RIC3: variants seen among roughly 807,000 people sequenced by gnomAD.
RIC3 encodes RIC3 acetylcholine receptor chaperone.
In RIC3, 28 loss-of-function variants were observed where a neutral mutation model predicts 27.3. That is an observed-to-expected ratio of 1.02 (90% CI 0.76 to 1.41). The LOEUF is 1.41. RIC3 is among the 40% of genes most tolerant of loss of function. RIC3 has a pLI of 0.00. For missense variants in RIC3, 501 were observed against 444.7 expected (o/e 1.13, Z -1.14); for synonymous variants, 184 against 160.4 (o/e 1.15, Z -1.11).
At chr11:8,161,131 T>C (rs1325299548) in intron 1 of RIC3, among the ~76,000 whole-genome samples, 2 of 152,194 alleles carry the variant, frequency 1.3e-5, no homozygotes, top group Non-Finnish European at 2.9e-5. Context: ...GAATAGTCAA[T>C]TATGTATTCA....
Position 8,138,862 on chromosome 11 carries a change from T to C in RIC3, c.352-515A>G. 9.6e-6 allele frequency: 2 copies of C among 207,642 alleles called. 1 individual carries two copies. Among genetic ancestry groups the C allele is most frequent in the Non-Finnish European group, 1.9e-5 (2 of 107,484 alleles). 12.9% of individuals were successfully genotyped at this position (207,642 alleles called of 1,614,324 possible). ...TCCTTTGTTCTCCTCTGCCTTTGCC[T>C]CTTTTAAAAAGTTCTAAGTCGCTAG... On this transcript the variant is annotated intron_variant, in intron 2 of 5. Transcript: ENST00000309737.
At chr11:8,165,766 G>GT (rs1169873326) in intron 1 of RIC3, among the ~76,000 whole-genome samples, 81 of 123,986 alleles carry the variant, frequency 6.5e-4, no homozygotes, top group South Asian at 4.8e-3. Context: ...GTTTTTTGGG[G>GT]TTTTTTTTTT....
At chr11:8,118,122 C>T (rs1946061317) in intron 5 of RIC3, among the ~76,000 whole-genome samples, 1 of 150,164 alleles carries the variant, frequency 6.7e-6, no homozygotes, top group African/African-American at 2.5e-5. Flanking sequence ...ACTTGGGAGG[C>T]TGAGGCAGGA....
intron 4 of RIC3, among the ~76,000 whole-genome samples, chr11:8,127,505 T>C (rs1947130763): frequency 6.6e-6 from 1 of 152,228 alleles, no homozygotes; most frequent in South Asian, 2.1e-4. Context: ...TTCCACATTT[T>C]GGAAAACCTG....
At chr11:8,137,175 C>T (rs375695687) in intron 4 of RIC3, among the ~76,000 whole-genome samples, 10 of 152,256 alleles carry the variant, frequency 6.6e-5, no homozygotes, top group African/African-American at 2.4e-4. Flanking sequence ...CAGGTGTGCA[C>T]CACCACACCT....
At chr11:8,132,309 T>A (rs1455908409) in intron 4 of RIC3, among the ~76,000 whole-genome samples, 1 of 152,230 alleles carries the variant, frequency 6.6e-6, no homozygotes, top group Non-Finnish European at 1.5e-5. Context: ...TTCTAGCATG[T>A]AGTCACTCTA....
intron 1 of RIC3, among the ~76,000 whole-genome samples, chr11:8,165,130 A>G (rs10734629): frequency 0.53 from 80,877 of 152,036 alleles, 25,450 homozygotes; most frequent in African/African-American, 0.88. Flanking sequence ...ATAACCATAC[A>G]ACCTAGAAAT....
intron 5 of RIC3, among the ~76,000 whole-genome samples, chr11:8,114,872 G>A (rs1011731507): frequency 6.6e-6 from 1 of 152,076 alleles, no homozygotes; most frequent in Non-Finnish European, 1.5e-5. Flanking sequence ...CAGCAGAACT[G>A]ATTGAGCAAA....
intron 1 of RIC3, among the ~76,000 whole-genome samples, chr11:8,163,048 CACAT>C (rs1217668998): frequency 2.2e-4 from 28 of 129,600 alleles, no homozygotes; most frequent in Middle Eastern, 3.5e-3. Flanking sequence ...CACACACACA[CACAT>C]ACACACACAC....
chr11:8,141,029 A>T (rs1948996255), intron 1 of RIC3, among the ~76,000 whole-genome samples: 1 of 149,956 alleles, frequency 6.7e-6, no homozygotes, highest in South Asian at 2.2e-4. Context: ...CTCCTGAAGG[A>T]AGCGCTAAAC....
intron 1 of RIC3, among the ~76,000 whole-genome samples, chr11:8,159,061 A>G (rs1950949758): frequency 6.6e-6 from 1 of 151,866 alleles, no homozygotes; most frequent in African/African-American, 2.4e-5. Context: ...AGGAAAAGAG[A>G]CAATAAACAA....
chr11:8,121,100 T>G (rs1946396094), intron 5 of RIC3, among the ~76,000 whole-genome samples: 1 of 152,136 alleles, frequency 6.6e-6, no homozygotes, highest in South Asian at 2.1e-4. Flanking sequence ...CAACATAAAA[T>G]AAGTATTGAT....
intron 3 of RIC3, among the ~76,000 whole-genome samples, chr11:8,137,711 G>A (rs938142116): frequency 6.7e-6 from 1 of 149,888 alleles, no homozygotes; most frequent in African/African-American, 2.5e-5. Context: ...AGCAGTTACA[G>A]CCCAGATAAA....
chr11:8,100,400 G>A, the RIC3 span: 1 of 869,608 alleles, frequency 1.1e-6, no homozygotes, highest in Non-Finnish European at 1.9e-6. Context: ...CTTCGGAGTG[G>A]AGATGGTGGG....
chr11:8,166,233 A>G (rs142136678), intron 1 of RIC3, among the ~76,000 whole-genome samples: 2 of 152,122 alleles, frequency 1.3e-5, no homozygotes, highest in Non-Finnish European at 2.9e-5. Context: ...TGACATGTCT[A>G]CTTTCCTTTA....
intron 5 of RIC3, among the ~76,000 whole-genome samples, chr11:8,119,117 GA>G (rs1946183668): frequency 6.6e-6 from 1 of 152,150 alleles, no homozygotes; most frequent in South Asian, 2.1e-4. Flanking sequence ...GATTATAAAA[GA>G]AAATACCCTT....
chr11:8,140,283 C>A, intron 1 of RIC3, 90 bp from the exon 2 acceptor site: 1 of 1,180,316 alleles, frequency 8.5e-7, no homozygotes, highest in Non-Finnish European at 1.2e-6. Flanking sequence ...TAAAAGAGGC[C>A]AACACAAACA....
At chr11:8,101,907 C>A, downstream of RIC3, 1 of 402,158 alleles carries the variant, frequency 2.5e-6, no homozygotes, top group Non-Finnish European at 4.5e-6. Context: ...GTGTTGTAGT[C>A]GTACTTACCA....
chr11:8,104,382 GCTTTC>G, downstream of RIC3: 1 of 152,440 alleles, frequency 6.6e-6, no homozygotes, highest in African/African-American at 2.4e-5. Context: ...TCCAAGTCTA[GCTTTC>G]CTTTCCTTCT....
Sources: allele counts gnomAD v4.1 joint callset (sites outside exome capture counted in the v4.1 genomes callset), GRCh38; gene constraint gnomAD v4.1.1; transcripts MANE v1.5; gene names NCBI Gene and HGNC (gene_info 2026-07-23, HGNC 2026-07-21).